Variants in CIT observed in about 807,000 individuals in gnomAD.
CIT encodes the protein citron Rho-interacting kinase.
CIT carries 79 observed loss-of-function variants against 272.7 expected under a neutral mutation model. That is an observed-to-expected ratio of 0.29 (90% CI 0.24 to 0.35). The LOEUF is 0.35. Ranked by LOEUF, CIT falls within the 10% of genes least tolerant of loss-of-function variation. CIT has a pLI of 1.00. For synonymous variants in CIT, 948 were observed against 995.6 expected (o/e 0.95, Z 0.90); for missense variants, 1,909 against 2,618.3 (o/e 0.73, Z 5.91).
At chr12:119,845,213 C>T (rs781323633) in intron 5 of CIT, among the ~76,000 whole-genome samples, 4 of 152,198 alleles carry the variant, frequency 2.6e-5, no homozygotes, top group African/African-American at 4.8e-5. Context: ...CTAAGGATGC[C>T]GATGCCAGTG....
At chr12:119,802,886 A>G (rs575534932) in intron 10 of CIT, among the ~76,000 whole-genome samples, 2 of 152,218 alleles carry the variant, frequency 1.3e-5, no homozygotes, top group Admixed American at 1.3e-4. Flanking sequence ...TTCTCCTTTG[A>G]CCGGGGATCT....
At chr12:119,705,608 A>T (rs2137015506) in intron 40 of CIT, among the ~76,000 whole-genome samples, 1 of 152,106 alleles carries the variant, frequency 6.6e-6, no homozygotes, top group South Asian at 2.1e-4. Context: ...TTTCTAATTT[A>T]AAAAACTAAT....
chr12:119,689,221 T>C (rs1194558256), intron 47 of CIT, among the ~76,000 whole-genome samples: 1 of 146,574 alleles, frequency 6.8e-6, no homozygotes, highest in African/African-American at 2.6e-5. Context: ...AAACAAAAAG[T>C]GGGGGAAAAA....
chr12:119,714,189 G>A lies in CIT; in HGVS notation c.4306+8C>T. The A allele has an allele frequency of 6.2e-7, 1 of 1,614,090 alleles. No homozygotes were observed. Among genetic ancestry groups the A allele is most frequent in the East Asian group, 2.2e-5 (1 of 44,872 alleles). ...TGCCCAGCACAGATGCACAACTACT[G>A]ATCTTACCGAGACATTTGGATGCCT... On this transcript the variant is annotated splice_region_variant and intron_variant, in intron 33 of 47. Transcript: ENST00000392521.
chr12:119,708,482 TA>T (rs995904270), intron 39 of CIT, among the ~76,000 whole-genome samples, 164 bp from the exon 40 acceptor site: 6 of 152,056 alleles, frequency 3.9e-5, no homozygotes, highest in Admixed American at 6.6e-5. Flanking sequence ...ATGATTTATT[TA>T]TTTTTTTTTT....
chr12:119,812,917 T>G (rs368777966), intron 9 of CIT, among the ~76,000 whole-genome samples: 16 of 152,194 alleles, frequency 1.1e-4, no homozygotes, highest in African/African-American at 3.6e-4. Flanking sequence ...GTAGAATTAC[T>G]ATGTCTTGAA....
rs904654 is a variant in CIT at position 119,752,083 on chromosome 12, T to C, written c.2871A>G (p.Thr957=). ...RQAKTELEET[T]AEAEEEIQAL... ...CCTGGATCTCCTCTTCAGCTTCTGC[T>C]GTGGTCTCTTCCAGCTCTGTCTTCG... Residue 957 remains threonine, a synonymous_variant, in exon 23 of 48, where the codon ACA becomes ACG. Transcript: ENST00000392521. 0.51 allele frequency: 826,124 copies of C among 1,611,206 alleles called. 213,347 individuals are homozygous for C. The highest frequency in any genetic ancestry group is 0.61 in the Admixed American group (36,635 of 59,892).
At chr12:119,836,279 C>T (rs1306572604) in intron 5 of CIT, among the ~76,000 whole-genome samples, 2 of 99,034 alleles carry the variant, frequency 2.0e-5, no homozygotes, top group Admixed American at 1.1e-4. Flanking sequence ...GAGCGAGACT[C>T]CATCTAAAAA....
At chr12:119,709,722 T>G (rs185267715) in intron 39 of CIT, among the ~76,000 whole-genome samples, 84 of 150,332 alleles carry the variant, frequency 5.6e-4, no homozygotes, top group Admixed American at 1.5e-3. Flanking sequence ...ACTGAAGAAC[T>G]TGGCGTCATA....
In CIT at chr12:119,752,063, ATCT is replaced by A. The variant is rs776902096; in HGVS notation, c.2888_2890del (p.Glu963_Ile964delinsVal). The A allele has an allele frequency of 6.2e-7, 1 of 1,611,860 alleles. No individual in the cohort carries two copies. The highest frequency in any genetic ancestry group is 8.5e-7 in the Non-Finnish European group (1 of 1,179,782). ...CCCCAGACCTACCGTGAGTGCCTGG[ATCT>A]CCTCTTCAGCTTCTGCTGTGGTCTC... On this transcript the variant is annotated inframe_deletion, in exon 23 of 48. Transcript: ENST00000392521.
Position 119,712,454 on chromosome 12 carries a change from G to C in CIT, c.4685-107C>G, listed in dbSNP as rs1469039558. 2.1e-6 allele frequency: 3 copies of C among 1,426,270 alleles called. No individual in the cohort carries two copies. Among genetic ancestry groups the C allele is most frequent in the African/African-American group, 2.8e-5 (2 of 70,394 alleles). The allele number at this position is 1,426,270 out of a possible 1,614,324, so 88.4% of individuals were successfully genotyped here. On this transcript the variant is annotated intron_variant, in intron 36 of 47. Coordinates refer to ENST00000392521, the MANE Select transcript of CIT (RefSeq NM_001206999.2). This position sits in a 1 kb window ranked among gnomAD's most constrained non-coding sequence, Gnocchi z 5.2. Reference sequence around the variant, plus strand: ...TGCCCACCAAACCACGCAAATCCCAGTTACCGCCAAGGCGGGGAGCGGAGG... The same window carrying C: ...TGCCCACCAAACCACGCAAATCCCACTTACCGCCAAGGCGGGGAGCGGAGG...
At chr12:119,714,820 G>A (rs543932223) in intron 32 of CIT, among the ~76,000 whole-genome samples, 39 of 152,302 alleles carry the variant, frequency 2.6e-4, no homozygotes, top group Non-Finnish European at 4.7e-4. Context: ...CAGCAATTCC[G>A]CTCCTGGCTA....
intron 32 of CIT, among the ~76,000 whole-genome samples, chr12:119,717,153 A>C (rs576850684): frequency 8.1e-4 from 123 of 152,312 alleles, no homozygotes; most frequent in African/African-American, 2.8e-3. Context: ...CCCAGGTTCA[A>C]ACAGTTCTCC....
At chr12:119,850,641 C>T (rs1159758977) in intron 4 of CIT, among the ~76,000 whole-genome samples, 8 of 152,200 alleles carry the variant, frequency 5.3e-5, no homozygotes, top group Admixed American at 5.2e-4. Flanking sequence ...CTTTACCTAA[C>T]ATATTTCTTT....
intron 9 of CIT, among the ~76,000 whole-genome samples, chr12:119,808,543 A>T (rs1966734082): frequency 6.6e-6 from 1 of 152,052 alleles, no homozygotes. Context: ...AAAAATACTG[A>T]GCCTCGTAAA....
chr12:119,747,405 A>T (rs1358116854), intron 23 of CIT, among the ~76,000 whole-genome samples: 1 of 133,838 alleles, frequency 7.5e-6, no homozygotes. Flanking sequence ...TGGGCAACAG[A>T]GGGAGACTCC....
At chr12:119,733,372 T>C (rs1958575136) in intron 26 of CIT, among the ~76,000 whole-genome samples, 1 of 150,256 alleles carries the variant, frequency 6.7e-6, no homozygotes. Context: ...TCTACAAAAA[T>C]ACAAAAAAAA....
chr12:119,688,115 G>A lies in CIT; in HGVS notation c.*117C>T, dbSNP rs528100669. On this transcript the variant is annotated 3_prime_UTR_variant, in exon 48 of 48. Transcript: ENST00000392521. The stretch of plus-strand genomic sequence containing the variant: ...CCGTGCCGAGGTGGGTCTGGGCCCC[G>A]CTGAGCCAGAGGGTGGCTGAGCACG... The A allele has an allele frequency of 2.1e-5, 24 of 1,158,448 alleles. No homozygotes were observed. The East Asian group carries it at 3.7e-4, about 18-fold the overall frequency. 71.8% of individuals were successfully genotyped at this position (1,158,448 alleles called of 1,614,324 possible).
At chr12:119,868,388 T>C (rs1478686678) in intron 3 of CIT, among the ~76,000 whole-genome samples, 2 of 152,078 alleles carry the variant, frequency 1.3e-5, no homozygotes, top group East Asian at 3.8e-4. Context: ...ATATCACAGA[T>C]CCTAAGCACC....
Sources: allele counts gnomAD v4.1 joint callset (sites outside exome capture counted in the v4.1 genomes callset), GRCh38; gene constraint gnomAD v4.1.1; non-coding constraint Gnocchi (gnomAD v3.1); transcripts MANE v1.5; gene names NCBI Gene and HGNC (gene_info 2026-07-23, HGNC 2026-07-21).